The following DMD variants were observed in gnomAD, a reference collection of about 807,000 sequenced individuals.
DMD encodes the protein dystrophin, also known as mutant dystrophin.
Under a neutral mutation model 330.1 loss-of-function variants are expected in DMD, and 63 were observed. The ratio of observed to expected loss-of-function variants is 0.19; its 90% CI spans 0.16 to 0.24. The LOEUF is 0.24. Among genes scored for constraint, DMD ranks in the 10% least tolerant of loss-of-function variants. The pLI, the probability that DMD is intolerant of heterozygous loss-of-function variation, is 1.00. For synonymous variants in DMD, 1,223 were observed against 959.8 expected, an observed-to-expected ratio of 1.27 and a Z score of -5.07; for missense variants, 3,344 against 2,684.1, an observed-to-expected ratio of 1.25 and a Z score of -5.43.
chrX:32,883,429 C>A (rs1001320473), intron 2 of DMD, among the ~76,000 whole-genome samples: 1 of 111,155 alleles, frequency 9.0e-6, no homozygotes, highest in African/African-American at 3.3e-5. Flanking sequence ...TGGCACTACC[C>A]CAATATTTTT....
At chrX:33,304,259 C>T (rs1467619479) in intron 1 of DMD, among the ~76,000 whole-genome samples, 1 of 110,548 alleles carries the variant, frequency 9.0e-6, no homozygotes, top group Admixed American at 9.7e-5. Flanking sequence ...AGAAATAATG[C>T]TGCATATCTA....
intron 37 of DMD, among the ~76,000 whole-genome samples, chrX:32,360,881 AG>A (rs923339749): frequency 9.1e-6 from 1 of 110,468 alleles, no homozygotes; most frequent in African/African-American, 3.3e-5. Context: ...GGAAAATAAA[AG>A]AAGTTCATAG....
chrX:32,623,577 G>A (rs894604778), intron 11 of DMD, among the ~76,000 whole-genome samples: 1 of 102,005 alleles, frequency 9.8e-6, no homozygotes, highest in Non-Finnish European at 2.0e-5. Context: ...ACCCAGGCTC[G>A]AGTACAGTGA....
intron 29 of DMD, among the ~76,000 whole-genome samples, chrX:32,413,891 T>C (rs747703468): frequency 7.2e-4 from 79 of 109,267 alleles, no homozygotes; most frequent in Non-Finnish European, 1.2e-3. Flanking sequence ...TGGCGAATTT[T>C]TGTATTTTTA....
intron 3 of DMD, 84 bp from the exon 4 acceptor site, chrX:32,844,944 T>C: frequency 2.5e-6 from 2 of 795,241 alleles, no homozygotes; most frequent in African/African-American, 4.0e-5. Context: ...AATTTCACTA[T>C]TAAGCTTGAA....
At chrX:32,751,566 A>G (rs1304441967) in intron 7 of DMD, among the ~76,000 whole-genome samples, 1 of 112,017 alleles carries the variant, frequency 8.9e-6, no homozygotes, top group Non-Finnish European at 1.9e-5. Flanking sequence ...GTTTGGAAAA[A>G]TTACAGCCTG....
At chrX:32,072,095 C>T (rs888924824) in intron 44 of DMD, among the ~76,000 whole-genome samples, 2 of 111,519 alleles carry the variant, frequency 1.8e-5, no homozygotes, top group African/African-American at 6.5e-5. Flanking sequence ...ACTTTATCTG[C>T]CTGGCTTATT....
chrX:32,801,981 T>C (rs1293987737), intron 7 of DMD, among the ~76,000 whole-genome samples: 2 of 112,144 alleles, frequency 1.8e-5, no homozygotes, highest in Admixed American at 1.9e-4. Flanking sequence ...AGGATGGTTT[T>C]GGCAATGCAG....
intron 48 of DMD, among the ~76,000 whole-genome samples, chrX:31,848,394 A>G (rs982220553): frequency 1.8e-5 from 2 of 111,833 alleles, no homozygotes; most frequent in African/African-American, 6.5e-5. Context: ...TAAAATGGAA[A>G]CATAGCTAAT....
At chrX:33,216,220 T>C (rs2052050541), upstream of DMD, among the ~76,000 whole-genome samples, 1 of 111,810 alleles carries the variant, frequency 8.9e-6, no homozygotes, top group Non-Finnish European at 1.9e-5. Flanking sequence ...GTTTTGTAGT[T>C]CTCCTTGTAT....
intron 45 of DMD, among the ~76,000 whole-genome samples, chrX:31,951,181 A>G (rs1603617751): frequency 1.0e-5 from 1 of 96,409 alleles, no homozygotes; most frequent in Non-Finnish European, 2.1e-5. Flanking sequence ...ATATGTATAT[A>G]TATATATCTT....
chrX:32,782,858 CATAT>C (rs1299192847), intron 7 of DMD, among the ~76,000 whole-genome samples: 3 of 106,474 alleles, frequency 2.8e-5, no homozygotes, highest in Admixed American at 1.0e-4. Context: ...TCTCACGTAC[CATAT>C]ATATATACAC....
chrX:32,393,640 T>G (rs1003242886), intron 30 of DMD, among the ~76,000 whole-genome samples: 3 of 111,335 alleles, frequency 2.7e-5, no homozygotes, highest in Admixed American at 9.6e-5. Context: ...GTATAATATG[T>G]ATTTTTTCAG....
intron 60 of DMD, among the ~76,000 whole-genome samples, chrX:31,393,439 T>A (rs1487967685): frequency 6.2e-5 from 6 of 96,336 alleles, no homozygotes; most frequent in African/African-American, 2.3e-4. Flanking sequence ...ATTGCGCCAC[T>A]GCACTCTGGC....
chrX:31,255,769 CTTTTTTT>C (rs146884145), intron 63 of DMD, among the ~76,000 whole-genome samples: 31 of 50,818 alleles, frequency 6.1e-4, no homozygotes, highest in Middle Eastern at 0.017. Context: ...AATATCGTTA[CTTTTTTT>C]TTTTTTTTTT....
At chrX:31,546,021 C>T (rs2074120886) in intron 55 of DMD, among the ~76,000 whole-genome samples, 1 of 111,788 alleles carries the variant, frequency 8.9e-6, no homozygotes, top group Non-Finnish European at 1.9e-5. Flanking sequence ...GAAGTAATGG[C>T]TGTGTATAAT....
At chrX:31,539,821 T>C (rs2073684404) in intron 55 of DMD, among the ~76,000 whole-genome samples, 1 of 112,139 alleles carries the variant, frequency 8.9e-6, no homozygotes, top group Non-Finnish European at 1.9e-5. Context: ...ACATTGGTCA[T>C]GGTGCTAGAT....
Position 31,562,954 on chromosome X carries a change from T to C in DMD, c.8218-55501A>G, listed in dbSNP as rs7883159. 3.5e-3 allele frequency among the ~76,000 whole-genome samples: 397 copies of C among 112,682 alleles called. 3 individuals carry two copies. The highest frequency in any genetic ancestry group is 0.012 in the African/African-American group (373 of 31,099). ...GGCAATCTGTGTTTTCTAAGAGGAA[T>C]TGCAAAGAGTGCTGGCACCATTTAT... On this transcript the variant is annotated intron_variant, in intron 55 of 78. Coordinates refer to ENST00000357033, the MANE Select transcript of DMD (RefSeq NM_004006.3).
At position 32,355,965 on chromosome X, in the gene DMD, A is replaced by G. The variant is rs1368888844; in HGVS notation, c.5325+6823T>C. On this transcript the variant is annotated intron_variant, in intron 37 of 78. Transcript: ENST00000357033. Reference sequence around the variant, plus strand: ...TATATATAGCAAGAATACTGTTCCAATTAAGATACAATATTATTTTCCATC... The same window carrying G: ...TATATATAGCAAGAATACTGTTCCAGTTAAGATACAATATTATTTTCCATC... 3.6e-5 allele frequency among the ~76,000 whole-genome samples: 4 copies of G among 110,847 alleles called. No homozygotes were observed. The Admixed American group carries it at 3.9e-4, about 11-fold the overall frequency.
Sources: gnomAD v4.1 joint callset for allele counts (sites outside exome capture counted in the v4.1 genomes callset) on GRCh38, gnomAD v4.1.1 for gene constraint, MANE v1.5 for transcripts, NCBI Gene and HGNC (gene_info 2026-07-23, HGNC 2026-07-21) for gene names.